Variants in OR14I1 observed in about 807,000 individuals in gnomAD.
OR14I1 encodes olfactory receptor 14I1.
For synonymous variants in OR14I1, 118 were observed against 71.1 expected (o/e 1.66, Z -3.32); for missense variants, 279 against 181.8 (o/e 1.53, Z -3.07).
chr1:248,698,750 C>A, the OR14I1 span: 2 of 152,204 alleles, frequency 1.3e-5, 1 homozygote, highest in Admixed American at 1.3e-4. Flanking sequence ...ATGGATCACA[C>A]CAGAGTGTGA....
chr1:248,680,389 C>G (rs150617085), downstream of OR14I1, among the ~76,000 whole-genome samples: 10 of 152,312 alleles, frequency 6.6e-5, no homozygotes, highest in East Asian at 1.7e-3. Flanking sequence ...CACACAACTG[C>G]GATGGGCTAA....
At chr1:248,682,022 A>G (rs1428165432) in exon 1 of OR14I1, 2 of 781,078 alleles carry the variant, frequency 2.6e-6, no homozygotes, top group South Asian at 2.7e-5. Flanking sequence ...TGAGCCACAC[A>G]GCCAAGATAA....
At chr1:248,693,554 T>C in the OR14I1 span, among the ~76,000 whole-genome samples, 1 of 152,218 alleles carries the variant, frequency 6.6e-6, no homozygotes, top group African/African-American at 2.4e-5. Flanking sequence ...TTTCTTGATA[T>C]ATTTTCTTCT....
upstream of OR14I1, among the ~76,000 whole-genome samples, chr1:248,684,845 T>G (rs4512684): frequency 0.86 from 129,417 of 151,236 alleles, 57,685 homozygotes; most frequent in East Asian, 1. Context: ...ATAAATGGGG[T>G]AGCGGAGGGA....
At chr1:248,689,707 T>G in the OR14I1 span, among the ~76,000 whole-genome samples, 1 of 152,198 alleles carries the variant, frequency 6.6e-6, no homozygotes, top group Admixed American at 6.5e-5. Flanking sequence ...GGACTTGAAC[T>G]CAGCTCTGGA....
downstream of OR14I1, among the ~76,000 whole-genome samples, chr1:248,678,505 A>G (rs1339090501): frequency 6.6e-6 from 1 of 152,256 alleles, no homozygotes; most frequent in Non-Finnish European, 1.5e-5. Flanking sequence ...AAATTAAACA[A>G]TATGTTTCTA....
the OR14I1 span, among the ~76,000 whole-genome samples, chr1:248,700,111 G>A: frequency 1.9e-4 from 29 of 152,294 alleles, no homozygotes; most frequent in Middle Eastern, 3.4e-3. Context: ...ATTAGAATGC[G>A]CATCCTAGGC....
chr1:248,695,957 C>CCAT, the OR14I1 span, among the ~76,000 whole-genome samples: 1 of 152,192 alleles, frequency 6.6e-6, no homozygotes, highest in Non-Finnish European at 1.5e-5. Context: ...GGTCTCCAGC[C>CCAT]CATCTCCTTT....
At chr1:248,694,256 T>A in the OR14I1 span, among the ~76,000 whole-genome samples, 2 of 70,010 alleles carry the variant, frequency 2.9e-5, no homozygotes, top group African/African-American at 5.0e-4. Flanking sequence ...GTAACAAGCC[T>A]TTTTTTTCGG....
At chr1:248,691,354 T>C in the OR14I1 span, among the ~76,000 whole-genome samples, 1 of 152,190 alleles carries the variant, frequency 6.6e-6, no homozygotes, top group African/African-American at 2.4e-5. Flanking sequence ...TGTGAGTATG[T>C]TAGAAAATAT....
chr1:248,683,622 G>A (rs1661597930), upstream of OR14I1, among the ~76,000 whole-genome samples: 1 of 152,168 alleles, frequency 6.6e-6, no homozygotes, highest in Non-Finnish European at 1.5e-5. Flanking sequence ...TTTTTTATAG[G>A]ACAGGTAGAA....
chr1:248,679,491 A>G (rs1389167454), downstream of OR14I1, among the ~76,000 whole-genome samples: 1 of 152,104 alleles, frequency 6.6e-6, no homozygotes, highest in Non-Finnish European at 1.5e-5. Context: ...ACTACTTAAT[A>G]TTAAAAGGGA....
chr1:248,699,785 G>A, the OR14I1 span, among the ~76,000 whole-genome samples: 2 of 152,138 alleles, frequency 1.3e-5, no homozygotes, highest in Admixed American at 6.5e-5. Flanking sequence ...TTGAGACAGA[G>A]TCTCGCTCTA....
upstream of OR14I1, among the ~76,000 whole-genome samples, chr1:248,684,461 G>A (rs1320746732): frequency 2.0e-5 from 3 of 152,162 alleles, no homozygotes; most frequent in African/African-American, 7.2e-5. Flanking sequence ...ATGCAGCAAT[G>A]CTCCTTCTCA....
At chr1:248,690,358 A>G in the OR14I1 span, among the ~76,000 whole-genome samples, 1 of 152,128 alleles carries the variant, frequency 6.6e-6, no homozygotes, top group Non-Finnish European at 1.5e-5. Flanking sequence ...GCAAAGAGAG[A>G]AGAATCAAAT....
At chr1:248,684,757 C>T (rs28505185), upstream of OR14I1, among the ~76,000 whole-genome samples, 1,143 of 145,100 alleles carry the variant, frequency 7.9e-3, 20 homozygotes, top group African/African-American at 0.024. Flanking sequence ...CACACACATA[C>T]ATATATATAT....
the OR14I1 span, among the ~76,000 whole-genome samples, chr1:248,700,843 T>G: frequency 6.6e-6 from 1 of 152,236 alleles, no homozygotes; most frequent in Non-Finnish European, 1.5e-5. Context: ...GATAGTGAAT[T>G]TAATGAACTT....
chr1:248,697,967 T>C, the OR14I1 span, among the ~76,000 whole-genome samples: 9 of 152,226 alleles, frequency 5.9e-5, no homozygotes, highest in Admixed American at 5.2e-4. Flanking sequence ...AAATTCTAAA[T>C]TAATTGAAGA....
downstream of OR14I1, among the ~76,000 whole-genome samples, chr1:248,680,967 C>CGTGTGTGT (rs34495040): frequency 0.36 from 52,696 of 146,856 alleles, 11,170 homozygotes; most frequent in Non-Finnish European, 0.49. Context: ...AAACTGTGTG[C>CGTGTGTGT]GTGTGTGTGT....
Sources: gnomAD v4.1 joint callset for allele counts (sites outside exome capture counted in the v4.1 genomes callset) on GRCh38, gnomAD v4.1.1 for gene constraint, MANE v1.5 for transcripts, NCBI Gene and HGNC (gene_info 2026-07-23, HGNC 2026-07-21) for gene names.